The following FGF10 variants were observed in gnomAD, a reference collection of about 807,000 sequenced individuals.
FGF10 encodes FGF-10.
Under a neutral mutation model 19.8 loss-of-function variants are expected in FGF10, and 2 were observed. The ratio of observed to expected loss-of-function variants is 0.10; its 90% confidence interval spans 0.04 to 0.32. The LOEUF (loss-of-function observed/expected upper bound fraction) is 0.32, where lower values mean the gene tolerates loss of function less well. FGF10 is among the 10% of genes least tolerant of loss of function. The probability of loss-of-function intolerance (pLI) is 1.00; values close to 1 mark genes in which losing one functional copy is unlikely to be tolerated. For missense variants in FGF10, 191 were observed against 246.3 expected, an observed-to-expected ratio of 0.78 and a Z score of 1.50; for synonymous variants, 112 against 94.0, an observed-to-expected ratio of 1.19 and a Z score of -1.10.
intron 1 of FGF10, among the ~76,000 whole-genome samples, chr5:44,343,350 G>T (rs1741013769): frequency 6.6e-6 from 1 of 151,844 alleles, no homozygotes; most frequent in African/African-American, 2.4e-5. Context: ...CTCAACCATA[G>T]GAAATACGAC....
chr5:44,349,420 CTTTA>C (rs1741165783), intron 1 of FGF10, among the ~76,000 whole-genome samples: 1 of 33,762 alleles, frequency 3.0e-5, no homozygotes, highest in African/African-American at 1.1e-4. Flanking sequence ...AAAGCATTTT[CTTTA>C]TATATATATA....
At chr5:44,307,796 A>C (rs2111676985) in intron 2 of FGF10, among the ~76,000 whole-genome samples, 1 of 152,270 alleles carries the variant, frequency 6.6e-6, no homozygotes, top group East Asian at 1.9e-4. Flanking sequence ...AACTTGAATA[A>C]ATTTTTCGTT....
At chr5:44,348,545 C>T (rs997318539) in intron 1 of FGF10, among the ~76,000 whole-genome samples, 4 of 151,492 alleles carry the variant, frequency 2.6e-5, no homozygotes, top group African/African-American at 9.7e-5. Context: ...CTATCACTCC[C>T]ATCCCAGATA....
In FGF10 at chr5:44,304,282, A is replaced by G. The variant is rs1424214267; in HGVS notation, c.*713T>C. 1 of 152,254 alleles carries G rather than the reference A, an allele frequency of 6.6e-6. No homozygotes were observed. Among genetic ancestry groups the G allele is most frequent in the Non-Finnish European group, 1.5e-5 (1 of 68,098 alleles). 9.4% of individuals were successfully genotyped at this position (152,254 alleles called of 1,614,324 possible). On this transcript the variant is annotated 3_prime_UTR_variant, in exon 3 of 3. Coordinates refer to ENST00000264664, the MANE Select transcript of FGF10 (RefSeq NM_004465.2). ...CGTGAACATGCATGTGGTGTGCTGAATAAAAAGAAAAGATAAATCAGAAGA... is the reference window on the plus strand; with the variant it reads ...CGTGAACATGCATGTGGTGTGCTGAGTAAAAAGAAAAGATAAATCAGAAGA...
intron 1 of FGF10, among the ~76,000 whole-genome samples, chr5:44,361,861 G>C (rs149971457): frequency 1.3e-5 from 2 of 151,300 alleles, no homozygotes; most frequent in Non-Finnish European, 3.0e-5. Flanking sequence ...ATTTCCTTTC[G>C]TCTGCATCTG....
intron 1 of FGF10, among the ~76,000 whole-genome samples, chr5:44,371,196 C>T (rs542329125): frequency 1.1e-4 from 17 of 152,080 alleles, no homozygotes; most frequent in Admixed American, 5.9e-4. Flanking sequence ...GTAGAACTGG[C>T]GGCTTTATAA....
At chr5:44,306,794 A>G (rs985983947) in intron 2 of FGF10, among the ~76,000 whole-genome samples, 11 of 152,346 alleles carry the variant, frequency 7.2e-5, no homozygotes, top group Admixed American at 2.6e-4. Context: ...TAAATATAAC[A>G]TTCAAATGAT....
At chr5:44,357,848 G>A (rs1181404339) in intron 1 of FGF10, among the ~76,000 whole-genome samples, 1 of 151,420 alleles carries the variant, frequency 6.6e-6, no homozygotes, top group African/African-American at 2.4e-5. Context: ...GGACCCTCAA[G>A]CTTCCTAGTC....
chr5:44,312,286 G>A (rs1312050165), intron 1 of FGF10, among the ~76,000 whole-genome samples: 1 of 151,680 alleles, frequency 6.6e-6, no homozygotes, highest in Non-Finnish European at 1.5e-5. Context: ...GGATACTGTT[G>A]TTAGTCTCGA....
At chr5:44,327,267 CAT>C (rs2111746444) in intron 1 of FGF10, among the ~76,000 whole-genome samples, 1 of 152,268 alleles carries the variant, frequency 6.6e-6, no homozygotes, top group South Asian at 2.1e-4. Context: ...ATCTACGAAA[CAT>C]AAGAAGGATT....
intron 1 of FGF10, among the ~76,000 whole-genome samples, chr5:44,335,598 A>G (rs538957128): frequency 2.5e-4 from 38 of 152,214 alleles, no homozygotes; most frequent in African/African-American, 8.9e-4. Context: ...ATTACATTCT[A>G]TTTATTTAGG....
At chr5:44,320,909 C>T (rs542630452) in intron 1 of FGF10, among the ~76,000 whole-genome samples, 2 of 152,028 alleles carry the variant, frequency 1.3e-5, no homozygotes, top group East Asian at 1.9e-4. Context: ...TGGGGTTTCA[C>T]CATGTTGCTC....
chr5:44,362,936 T>C (rs925559994), intron 1 of FGF10, among the ~76,000 whole-genome samples: 1 of 151,690 alleles, frequency 6.6e-6, no homozygotes, highest in Non-Finnish European at 1.5e-5. Context: ...GTCTCTGGTT[T>C]TAGTGGGAGA....
At chr5:44,383,247 C>T (rs935959006) in intron 1 of FGF10, among the ~76,000 whole-genome samples, 4 of 151,860 alleles carry the variant, frequency 2.6e-5, no homozygotes, top group African/African-American at 9.7e-5. Context: ...TTAAAGTGTT[C>T]ATTCATGTTC....
chr5:44,356,278 T>G (rs766952796), intron 1 of FGF10, among the ~76,000 whole-genome samples: 10 of 151,390 alleles, frequency 6.6e-5, no homozygotes, highest in Non-Finnish European at 1.5e-4. Context: ...TGTTTCAGTT[T>G]ATCAGAAAAC....
At chr5:44,321,860 C>T (rs994857255) in intron 1 of FGF10, among the ~76,000 whole-genome samples, 19 of 152,112 alleles carry the variant, frequency 1.2e-4, no homozygotes, top group African/African-American at 4.6e-4. Context: ...CTCCTGGGTT[C>T]CAGTGATTCT....
chr5:44,383,283 GA>G (rs35305337), intron 1 of FGF10, among the ~76,000 whole-genome samples: 14,624 of 152,020 alleles, frequency 0.096, 1,573 homozygotes, highest in African/African-American at 0.26. Context: ...AAATTCTAAA[GA>G]AATGCACTGG....
intron 1 of FGF10, among the ~76,000 whole-genome samples, chr5:44,369,097 T>A (rs1409903186): frequency 6.6e-6 from 1 of 152,150 alleles, no homozygotes; most frequent in African/African-American, 2.4e-5. Flanking sequence ...AAATGTCACT[T>A]ACATAGACAT....
At position 44,388,293 on chromosome 5, in the gene FGF10, T is replaced by A. The variant is rs922473926; in HGVS notation, c.325+65A>T. The A allele has an allele frequency of 2.7e-6, 4 of 1,488,204 alleles. No homozygotes were observed. The African/African-American group carries it at 5.5e-5, about 21-fold the overall frequency. 92.2% of individuals were successfully genotyped at this position (1,488,204 alleles called of 1,614,324 possible). On this transcript the variant is annotated intron_variant, in intron 1 of 2. Transcript: ENST00000264664. ...TTAGCTGGCCACATCTGGAACAGAT[T>A]TTTCCCCCCCGTGTGGGCTGGGGGT...
Sources: gnomAD v4.1 joint callset for allele counts (sites outside exome capture counted in the v4.1 genomes callset) on GRCh38, gnomAD v4.1.1 for gene constraint, MANE v1.5 for transcripts, NCBI Gene and HGNC (gene_info 2026-07-23, HGNC 2026-07-21) for gene names.